CPEB1: variants seen among roughly 807,000 people sequenced by gnomAD.
CPEB1 encodes cytoplasmic polyadenylation element-binding protein 1.
In CPEB1, 7 loss-of-function variants were observed where a neutral mutation model predicts 65.8. The observed-to-expected ratio is 0.11, with a 90% CI of 0.06 to 0.20. CPEB1 has a LOEUF of 0.20. Among genes scored for constraint, CPEB1 ranks in the 10% least tolerant of loss-of-function variants. The probability of loss-of-function intolerance (pLI) is 1.00; values close to 1 mark genes in which losing one functional copy is unlikely to be tolerated. For missense variants in CPEB1, 551 were observed against 712.2 expected (o/e 0.77, Z 2.58); for synonymous variants, 262 against 260.0 (o/e 1.01, Z -0.08).
intron 3 of CPEB1, among the ~76,000 whole-genome samples, chr15:82,582,815 C>T (rs1301803893): frequency 2.0e-5 from 3 of 146,384 alleles, no homozygotes; most frequent in African/African-American, 7.6e-5. Context: ...GATCTGGACT[C>T]ACCGCAAGCT....
chr15:82,577,967 C>A (rs1471661011), intron 3 of CPEB1, among the ~76,000 whole-genome samples: 3 of 151,874 alleles, frequency 2.0e-5, no homozygotes. Context: ...GGTGAAACCC[C>A]GTCTCTAATA....
intron 3 of CPEB1, among the ~76,000 whole-genome samples, chr15:82,620,690 C>A (rs1467494616): frequency 1.3e-5 from 2 of 152,160 alleles, no homozygotes; most frequent in African/African-American, 4.8e-5. Context: ...GCAGTCCCAT[C>A]TACTCAGAAG....
chr15:82,558,019 C>CT, intron 4 of CPEB1, 33 bp from the exon 5 acceptor site: 1 of 1,449,866 alleles, frequency 6.9e-7, no homozygotes, highest in Non-Finnish European at 9.3e-7. Flanking sequence ...CTCATGACCT[C>CT]TTAGTTTTCT....
intron 3 of CPEB1, among the ~76,000 whole-genome samples, chr15:82,624,939 G>C (rs866042495): frequency 1.3e-5 from 2 of 152,014 alleles, no homozygotes; most frequent in African/African-American, 4.8e-5. Flanking sequence ...CCAGGCTCAA[G>C]TGATCCTCCC....
intron 3 of CPEB1, among the ~76,000 whole-genome samples, chr15:82,577,349 G>T (rs1229231651): frequency 2.0e-5 from 3 of 152,066 alleles, no homozygotes; most frequent in African/African-American, 7.2e-5. Flanking sequence ...GTGAGCCACT[G>T]TGCCCGACTG....
chr15:82,577,050 G>A (rs1415684092), intron 3 of CPEB1, among the ~76,000 whole-genome samples: 1 of 152,110 alleles, frequency 6.6e-6, no homozygotes, highest in Non-Finnish European at 1.5e-5. Flanking sequence ...ATTAAATGAG[G>A]CATTATAGTA....
chr15:82,619,282 T>C (rs2045068963), intron 3 of CPEB1, among the ~76,000 whole-genome samples: 1 of 152,158 alleles, frequency 6.6e-6, no homozygotes, highest in African/African-American at 2.4e-5. Context: ...TCTTATACCA[T>C]GTACAAAACA....
chr15:82,604,301 G>A (rs1387874109), intron 3 of CPEB1, among the ~76,000 whole-genome samples: 1 of 152,164 alleles, frequency 6.6e-6, no homozygotes, highest in Non-Finnish European at 1.5e-5. Flanking sequence ...GGCTAACAGG[G>A]TGAAACCCTG....
At chr15:82,614,073 C>T (rs557221127) in intron 3 of CPEB1, among the ~76,000 whole-genome samples, 43 of 151,768 alleles carry the variant, frequency 2.8e-4, no homozygotes, top group Non-Finnish European at 4.7e-4. Context: ...TCTAAGACTC[C>T]CTACCCTGGG....
intron 3 of CPEB1, among the ~76,000 whole-genome samples, chr15:82,612,497 AAAAAAAAAAAAC>A (rs1033943438): frequency 8.8e-5 from 11 of 124,944 alleles, no homozygotes; most frequent in South Asian, 8.6e-4. Flanking sequence ...AGTCTGTCCA[AAAAAAAAAAAAC>A]AAAAAAAAAA....
intron 3 of CPEB1, among the ~76,000 whole-genome samples, chr15:82,590,236 A>AAC (rs2042130949): frequency 6.9e-6 from 1 of 145,480 alleles, no homozygotes; most frequent in Non-Finnish European, 1.5e-5. Context: ...AAAAAAAAAA[A>AAC]AAAACAGTTG....
intron 3 of CPEB1, among the ~76,000 whole-genome samples, chr15:82,580,244 C>A (rs1247876524): frequency 6.6e-6 from 1 of 150,742 alleles, no homozygotes; most frequent in Non-Finnish European, 1.5e-5. Flanking sequence ...TCGCTTGAAA[C>A]TGGGAGGCGG....
chr15:82,643,300 T>G (rs1482745340), intron 1 of CPEB1, among the ~76,000 whole-genome samples: 2 of 152,198 alleles, frequency 1.3e-5, no homozygotes, highest in African/African-American at 2.4e-5. Context: ...AAAAATTCTT[T>G]GGCAAAAGCT....
intron 1 of CPEB1, among the ~76,000 whole-genome samples, chr15:82,637,612 A>G (rs111839286): frequency 0.014 from 2,194 of 152,104 alleles, 53 homozygotes; most frequent in African/African-American, 0.049. Flanking sequence ...CCCTTTCCAC[A>G]CATGCTATTC....
rs1218570054 is a variant in CPEB1 at position 82,555,914 on chromosome 15, G to A, written c.896C>T (p.Pro299Leu). The A allele has an allele frequency of 6.2e-7, 1 of 1,613,652 alleles. No individual in the cohort carries two copies. The highest frequency in any genetic ancestry group is 2.2e-5 in the East Asian group (1 of 44,892). Residue 299 changes from proline to leucine, a missense_variant, in exon 6 of 13, where the codon CCC (proline) becomes CTC (leucine). By Grantham distance (98) the Pro-to-Leu change is moderately conservative. This residue lies in a region of CPEB1 where 128 missense variants were observed against 129.1 expected (regional missense o/e 0.99). Transcript: ENST00000684509. Reference protein sequence around the residue: ...SWDLLEAPKDPFSIEREARLH... With the variant: ...SWDLLEAPKDLFSIEREARLH... ...CCTGGCCTCTCTCTCTATGCTGAAG[G>A]GGTCTTTGGGAGCTTCGAGGAGGTC...
intron 1 of CPEB1, among the ~76,000 whole-genome samples, chr15:82,646,405 G>T (rs1413038806): frequency 6.6e-6 from 1 of 152,212 alleles, no homozygotes; most frequent in Non-Finnish European, 1.5e-5. Flanking sequence ...ACCAAGGGAA[G>T]CGGTTGCCAG....
chr15:82,644,324 C>T (rs2047329266), intron 1 of CPEB1, among the ~76,000 whole-genome samples: 1 of 152,214 alleles, frequency 6.6e-6, no homozygotes, highest in South Asian at 2.1e-4. Context: ...GATCCTTTGA[C>T]ATAACAGAAC....
At chr15:82,566,236 G>C (rs1368432618) in intron 4 of CPEB1, among the ~76,000 whole-genome samples, 1 of 152,276 alleles carries the variant, frequency 6.6e-6, no homozygotes, top group Non-Finnish European at 1.5e-5. Flanking sequence ...CTGAAGGAGA[G>C]ACTAGCCCCA....
At chr15:82,578,040 T>G (rs1277831573) in intron 3 of CPEB1, among the ~76,000 whole-genome samples, 2 of 151,982 alleles carry the variant, frequency 1.3e-5, no homozygotes, top group African/African-American at 4.8e-5. Context: ...ATCGGGAGGC[T>G]GAGGCAGAAG....
Sources: gnomAD v4.1 joint callset for allele counts (sites outside exome capture counted in the v4.1 genomes callset) on GRCh38, gnomAD v4.1.1 for gene constraint, gnomAD v4.1.1 regional missense constraint, MANE v1.5 for transcripts, NCBI Gene and HGNC (gene_info 2026-07-23, HGNC 2026-07-21) for gene names.